The following SGCZ variants were observed in gnomAD, a reference collection of about 807,000 sequenced individuals.
The protein encoded by SGCZ is zeta-sarcoglycan.
Under a neutral mutation model 41.3 loss-of-function variants are expected in SGCZ, and 40 were observed. The observed-to-expected ratio is 0.97, with a 90% CI of 0.75 to 1.26. SGCZ has a LOEUF of 1.26. SGCZ is among the 50% of genes most tolerant of loss of function. SGCZ has a pLI of 0.00. For synonymous variants in SGCZ, 206 were observed against 137.5 expected (o/e 1.50, Z -3.49); for missense variants, 552 against 369.8 (o/e 1.49, Z -4.04).
At chr8:14,426,302 T>C (rs1229667885) in intron 2 of SGCZ, among the ~76,000 whole-genome samples, 2 of 152,158 alleles carry the variant, frequency 1.3e-5, no homozygotes, top group African/African-American at 4.8e-5. Context: ...TGATTAGGAA[T>C]AATTGCCAGA....
chr8:14,537,560 C>CT (rs34868470), intron 2 of SGCZ, among the ~76,000 whole-genome samples: 35,668 of 150,226 alleles, frequency 0.24, 4,827 homozygotes, highest in Non-Finnish European at 0.32. Context: ...TCTTTCTTTT[C>CT]TTTTTTTTTC....
chr8:14,727,817 T>C (rs1339213526), intron 1 of SGCZ, among the ~76,000 whole-genome samples: 2 of 152,170 alleles, frequency 1.3e-5, no homozygotes, highest in Non-Finnish European at 2.9e-5. Context: ...AATGTTCTTT[T>C]TAGCTTCATA....
At chr8:14,937,042 A>C (rs1424094383) in intron 1 of SGCZ, among the ~76,000 whole-genome samples, 1 of 151,858 alleles carries the variant, frequency 6.6e-6, no homozygotes, top group African/African-American at 2.4e-5. Flanking sequence ...TGTAATGATA[A>C]GAGCAGAGAT....
At chr8:14,493,257 A>G (rs1022540686) in intron 2 of SGCZ, among the ~76,000 whole-genome samples, 105 of 151,416 alleles carry the variant, frequency 6.9e-4, no homozygotes, top group African/African-American at 2.4e-3. Flanking sequence ...AACCTCCTCA[A>G]TCTGAATGAT....
chr8:14,386,159 C>G (rs1029096811), intron 2 of SGCZ, among the ~76,000 whole-genome samples: 1 of 152,058 alleles, frequency 6.6e-6, no homozygotes, highest in Non-Finnish European at 1.5e-5. Flanking sequence ...ATTACACTTG[C>G]ATTTCTCAGG....
chr8:15,140,903 G>A (rs1386328077), intron 1 of SGCZ, among the ~76,000 whole-genome samples: 2 of 152,166 alleles, frequency 1.3e-5, no homozygotes, highest in Non-Finnish European at 2.9e-5. Flanking sequence ...GCAGTGACAA[G>A]TTGTGTATAC....
At chr8:14,284,612 G>T (rs1040023184) in intron 3 of SGCZ, among the ~76,000 whole-genome samples, 1 of 151,886 alleles carries the variant, frequency 6.6e-6, no homozygotes, top group Non-Finnish European at 1.5e-5. Flanking sequence ...ATTTAATATT[G>T]CTTTTGATAT....
chr8:14,897,659 T>C (rs1379802780), intron 1 of SGCZ, among the ~76,000 whole-genome samples: 10 of 152,242 alleles, frequency 6.6e-5, no homozygotes, highest in Non-Finnish European at 1.0e-4. Context: ...ATAATTCATA[T>C]GTCCCTGCAT....
chr8:14,384,885 G>T (rs1308788551), intron 2 of SGCZ, among the ~76,000 whole-genome samples: 12 of 152,162 alleles, frequency 7.9e-5, no homozygotes, highest in Admixed American at 7.2e-4. Flanking sequence ...ATTCTTATTT[G>T]TAAGTCCCAG....
chr8:14,926,642 TG>T (rs202122923), intron 1 of SGCZ, among the ~76,000 whole-genome samples: 1 of 145,496 alleles, frequency 6.9e-6, no homozygotes, highest in Non-Finnish European at 1.5e-5. Flanking sequence ...TCCGTGTGTG[TG>T]GTTTTTTTTT....
intron 1 of SGCZ, among the ~76,000 whole-genome samples, chr8:14,914,265 C>T (rs1404895994): frequency 6.7e-6 from 1 of 149,334 alleles, no homozygotes; most frequent in South Asian, 2.1e-4. Context: ...TGTCAATTAA[C>T]TAATGTAATA....
chr8:14,918,435 C>A, intron 1 of SGCZ, among the ~76,000 whole-genome samples: 1 of 152,018 alleles, frequency 6.6e-6, no homozygotes, highest in East Asian at 1.9e-4. Context: ...TAAAATTTAT[C>A]ATTTCGGTTT....
chr8:15,189,188 A>G (rs1283960538), intron 1 of SGCZ, among the ~76,000 whole-genome samples: 1 of 152,180 alleles, frequency 6.6e-6, no homozygotes, highest in Non-Finnish European at 1.5e-5. Flanking sequence ...TATATGATGG[A>G]TGTTCCAGGT....
chr8:14,822,035 C>A (rs1213024362), intron 1 of SGCZ, among the ~76,000 whole-genome samples: 2 of 150,956 alleles, frequency 1.3e-5, no homozygotes, highest in African/African-American at 4.9e-5. Flanking sequence ...TCCCTGTTGG[C>A]AGATGACTTG....
At chr8:14,164,820 G>A (rs1804159129) in intron 4 of SGCZ, 118 bp from the exon 5 acceptor site, 1 of 1,244,278 alleles carries the variant, frequency 8.0e-7, no homozygotes, top group African/African-American at 1.5e-5. Flanking sequence ...TCTGCTGTAT[G>A]TTTTGCATCT....
At chr8:14,851,311 G>A (rs533203079) in intron 1 of SGCZ, among the ~76,000 whole-genome samples, 8 of 124,518 alleles carry the variant, frequency 6.4e-5, no homozygotes, top group East Asian at 2.7e-4. Context: ...AGAGCTTGCA[G>A]TAAGCCAAGA....
At chr8:14,647,571 T>C (rs1423983141) in intron 1 of SGCZ, among the ~76,000 whole-genome samples, 2 of 152,036 alleles carry the variant, frequency 1.3e-5, no homozygotes, top group African/African-American at 2.4e-5. Flanking sequence ...TTCATGTGTT[T>C]TAGACATGGT....
intron 2 of SGCZ, among the ~76,000 whole-genome samples, chr8:14,428,893 A>G (rs1903602): frequency 0.88 from 134,348 of 152,280 alleles, 59,820 homozygotes; most frequent in Non-Finnish European, 0.94. Flanking sequence ...AAAGCTCACA[A>G]CATGCTTTCA....
At chr8:14,164,759 G>A (rs1449279856) in intron 4 of SGCZ, 57 bp from the exon 5 acceptor site, 3 of 1,582,182 alleles carry the variant, frequency 1.9e-6, no homozygotes, top group East Asian at 4.5e-5. Flanking sequence ...CCATTAACAT[G>A]TATTTTTTGG....
Sources: allele counts gnomAD v4.1 joint callset (sites outside exome capture counted in the v4.1 genomes callset), GRCh38; gene constraint gnomAD v4.1.1; transcripts MANE v1.5; gene names NCBI Gene and HGNC (gene_info 2026-07-23, HGNC 2026-07-21).